The following TRAPPC10 variants were observed in gnomAD, a reference collection of about 807,000 sequenced individuals.
TRAPPC10 encodes the protein TRAPP 130 kDa subunit.
Under a neutral mutation model 125.5 loss-of-function variants are expected in TRAPPC10, and 23 were observed. The ratio of observed to expected loss-of-function variants is 0.18; its 90% CI spans 0.13 to 0.26. TRAPPC10 has a LOEUF of 0.26. Among genes scored for constraint, TRAPPC10 ranks in the 10% least tolerant of loss-of-function variants. The pLI is 1.00. For synonymous variants in TRAPPC10, 509 were observed against 518.0 expected, an observed-to-expected ratio of 0.98 and a Z score of 0.24; for missense variants, 1,123 against 1,308.4, an observed-to-expected ratio of 0.86 and a Z score of 2.19.
rs763577446 is a variant in TRAPPC10 at position 44,087,723 on chromosome 21, G to C, written c.2564G>C (p.Arg855Pro). The change falls in exon 17 of 23, where the codon CGG (arginine) becomes CCG (proline). Residue 855 changes from arginine (R) to proline (P), a missense_variant. Physicochemically the swap from Arg to Pro is moderately radical, Grantham distance 103. This residue lies in a region of TRAPPC10 where 840 missense variants were observed against 902.0 expected (regional missense o/e 0.93). Coordinates refer to ENST00000291574, the MANE Select transcript of TRAPPC10 (RefSeq NM_003274.5). The surrounding 1 kb of genome is among the most constrained non-coding windows in gnomAD (Gnocchi z 4.6). ...GAACAGTCTTCTGAGGCCGCGCTCC[G>C]GATTCAGTCCTCCGACAAGGTCACG... ...TREQSSEAAL[R>P]IQSSDKVTSI... 3.1e-6 allele frequency: 5 copies of C among 1,613,978 alleles called. No individual in the cohort carries two copies. Among genetic ancestry groups the C allele is most frequent in the Non-Finnish European group, 4.2e-6 (5 of 1,180,036 alleles).
intron 15 of TRAPPC10, among the ~76,000 whole-genome samples, chr21:44,084,944 G>A (rs2038025740): frequency 6.6e-6 from 1 of 152,180 alleles, no homozygotes; most frequent in Non-Finnish European, 1.5e-5. Context: ...GAGCTTCCAC[G>A]CCCTCCCTGG....
Position 44,074,370 on chromosome 21 carries a change from G to C in TRAPPC10, c.1085G>C (p.Cys362Ser), listed in dbSNP as rs2037114981. ...CTGGACTGCTGGGTGTTTCTGAGCT[G>C]TCTGGAGGTGTTGCAGAGGATAGAA... ...GALDCWVFLSCLEVLQRIEGC... is the reference protein window; with the variant it reads ...GALDCWVFLSSLEVLQRIEGC... Residue 362 changes from cysteine to serine, a missense_variant, in exon 8 of 23, where the codon TGT becomes TCT. Physicochemically the swap from Cys to Ser is moderately radical, Grantham distance 112 (BLOSUM62 -1). Transcript: ENST00000291574. The C allele has an allele frequency of 1.9e-6, 3 of 1,614,238 alleles. No homozygotes were observed. Among genetic ancestry groups the C allele is most frequent in the Non-Finnish European group, 1.7e-6 (2 of 1,180,036 alleles).
At chr21:44,071,571 G>A (rs1450112999) in intron 7 of TRAPPC10, among the ~76,000 whole-genome samples, 1 of 152,218 alleles carries the variant, frequency 6.6e-6, no homozygotes, top group Non-Finnish European at 1.5e-5. Flanking sequence ...GGTTTGGGTG[G>A]GAGCTAAGAG....
rs758403620 is a variant in TRAPPC10, at chr21:44,037,956, C to T, written c.285+29C>T. 1.9e-5 allele frequency: 31 copies of T among 1,606,322 alleles called. 1 individual carries two copies. Among genetic ancestry groups the T allele is most frequent in the East Asian group, 9.0e-5 (4 of 44,674 alleles). ...AGTACCAGCAGGGGAAGAGGATGCG[C>T]GGTGGGATGGGGTTGGAGATGCGTG... is the stretch of plus-strand genomic sequence containing the variant. On this transcript the variant is annotated intron_variant, in intron 3 of 22. Coordinates refer to ENST00000291574, the MANE Select transcript of TRAPPC10 (RefSeq NM_003274.5).
At chr21:44,046,521 TTGG>T (rs1569163755) in intron 3 of TRAPPC10, 55 of 161,788 alleles carry the variant, frequency 3.4e-4, no homozygotes, top group Middle Eastern at 2.6e-3. Context: ...TTTTTTTTTT[TTGG>T]GGGGAGGATT....
chr21:44,023,986 G>A (rs761758736), intron 1 of TRAPPC10, among the ~76,000 whole-genome samples: 5 of 152,104 alleles, frequency 3.3e-5, no homozygotes, highest in East Asian at 1.9e-4. Flanking sequence ...GGGTTTCACC[G>A]TGTTGGCCAA....
intron 1 of TRAPPC10, among the ~76,000 whole-genome samples, chr21:44,017,821 G>A (rs182249465): frequency 6.6e-6 from 1 of 151,708 alleles, no homozygotes; most frequent in African/African-American, 2.4e-5. Flanking sequence ...TGATGTCATC[G>A]AAAGAAGTGG....
chr21:44,090,601 T>A (rs913256826), intron 18 of TRAPPC10, among the ~76,000 whole-genome samples: 1 of 152,204 alleles, frequency 6.6e-6, no homozygotes, highest in Non-Finnish European at 1.5e-5. Flanking sequence ...AGTTCTGCTT[T>A]GAGGCAGGCG....
intron 4 of TRAPPC10, among the ~76,000 whole-genome samples, chr21:44,054,378 A>C (rs886112809): frequency 2.0e-5 from 3 of 152,222 alleles, no homozygotes; most frequent in African/African-American, 7.2e-5. Context: ...TTATAATTCC[A>C]TGAATTTAGC....
intron 1 of TRAPPC10, among the ~76,000 whole-genome samples, chr21:44,028,281 T>G (rs1212358244): frequency 6.6e-6 from 1 of 152,238 alleles, no homozygotes; most frequent in Non-Finnish European, 1.5e-5. Flanking sequence ...AAAAACTGAT[T>G]GGTCCATGTA....
intron 2 of TRAPPC10, among the ~76,000 whole-genome samples, chr21:44,034,331 A>AC (rs1643901152): frequency 2.8e-4 from 7 of 24,732 alleles, no homozygotes; most frequent in African/African-American, 6.2e-4. Flanking sequence ...CCACTCCCCC[A>AC]ACCCCCCCCC....
At chr21:44,091,441 T>C (rs547637764) in intron 18 of TRAPPC10, among the ~76,000 whole-genome samples, 6 of 152,194 alleles carry the variant, frequency 3.9e-5, no homozygotes, top group African/African-American at 1.2e-4. Flanking sequence ...TTTATTTATT[T>C]TTATTTGTTA....
chr21:44,059,715 G>T lies in TRAPPC10; in HGVS notation c.790+501G>T. 2.0e-6 allele frequency: 1 copy of T among 494,546 alleles called. No homozygotes were observed. The highest frequency in any genetic ancestry group is 3.6e-6 in the Non-Finnish European group (1 of 277,966). The allele number at this position is 494,546 out of a possible 1,614,324, so 30.6% of individuals were successfully genotyped here. On this transcript the variant is annotated intron_variant, in intron 6 of 22. Coordinates refer to ENST00000291574, the MANE Select transcript of TRAPPC10 (RefSeq NM_003274.5). This position sits in a 1 kb window ranked among gnomAD's most constrained non-coding sequence, Gnocchi z 4.4. ...GAAACCATACACAGAGAGAAACATT[G>T]GTTATTGTCCTCAGTGTTTTTCGCT...
chr21:44,078,654 G>A (rs1369485377), intron 11 of TRAPPC10, among the ~76,000 whole-genome samples: 1 of 152,204 alleles, frequency 6.6e-6, no homozygotes, highest in Non-Finnish European at 1.5e-5. Flanking sequence ...GTCACAGCTA[G>A]AATGTAGCTC....
chr21:44,087,794 G>C lies in TRAPPC10; in HGVS notation c.2635G>C (p.Glu879Gln), dbSNP rs1422194190. The part of the protein sequence containing the change: ...VAPAYHVIEF[E>Q]LEVLSLPSAP... ...GCCTGCGTACCACGTGATCGAATTTGAACTGGAAGTTCTCTCTTTACCTTC... is the reference window on the plus strand; with the variant it reads ...GCCTGCGTACCACGTGATCGAATTTCAACTGGAAGTTCTCTCTTTACCTTC... Residue 879 changes from glutamate (E) to glutamine (Q), a missense_variant, in exon 17 of 23, where the codon GAA becomes CAA. By Grantham distance (29) the Glu-to-Gln change is conservative. Around this residue, in one of 4 missense-constraint regions of TRAPPC10, gnomAD observed 840 missense variants for 902.0 expected, o/e 0.93. Transcript: ENST00000291574. The surrounding 1 kb of genome is among the most constrained non-coding windows in gnomAD (Gnocchi z 4.6). The C allele has an allele frequency of 6.2e-7, 1 of 1,614,234 alleles. No individual in the cohort carries two copies. Among genetic ancestry groups the C allele is most frequent in the Non-Finnish European group, 8.5e-7 (1 of 1,180,048 alleles).
intron 7 of TRAPPC10, among the ~76,000 whole-genome samples, chr21:44,064,369 G>A (rs941232386): frequency 1.3e-5 from 2 of 151,688 alleles, no homozygotes; most frequent in African/African-American, 4.8e-5. Flanking sequence ...TAAAACATTT[G>A]CCCTTAGAGA....
rs2037575740 is a variant in TRAPPC10, at chr21:44,080,010, T to C, written c.1611-5T>C. On this transcript the variant is annotated splice_polypyrimidine_tract_variant and splice_region_variant and intron_variant, in intron 12 of 22. Transcript: ENST00000291574. Reference sequence around the variant, plus strand: ...CTCTCCACGCTCCTTACCTCTCCGCTCCAGCTACCTGCAGACCAGCAGCCT... The same window carrying C: ...CTCTCCACGCTCCTTACCTCTCCGCCCCAGCTACCTGCAGACCAGCAGCCT... The C allele has an allele frequency of 1.9e-6, 3 of 1,613,540 alleles. No individual in the cohort carries two copies. The South Asian group carries it at 3.3e-5, about 18-fold the overall frequency.
In TRAPPC10 at chr21:44,059,308, G is replaced by A; in HGVS notation, c.790+94G>A. ...AAGCAGCCATTTATTTACCTCAGGA[G>A]TACGCATGTTTTGTTGTTGTCTTTA... On this transcript the variant is annotated intron_variant, in intron 6 of 22. Transcript: ENST00000291574. This position sits in a 1 kb window ranked among gnomAD's most constrained non-coding sequence, Gnocchi z 4.4. The A allele has an allele frequency of 1.2e-6, 1 of 837,358 alleles. No individual in the cohort carries two copies. The highest frequency in any genetic ancestry group is 1.9e-6 in the Non-Finnish European group (1 of 521,484). 51.9% of individuals were successfully genotyped at this position (837,358 alleles called of 1,614,324 possible).
intron 4 of TRAPPC10, among the ~76,000 whole-genome samples, chr21:44,053,133 G>C (rs1569170980): frequency 6.6e-6 from 1 of 152,144 alleles, no homozygotes; most frequent in African/African-American, 2.4e-5. Flanking sequence ...ACCCTGCCCT[G>C]GTCCAGCAGG....
Sources: gnomAD v4.1 joint callset for allele counts (sites outside exome capture counted in the v4.1 genomes callset) on GRCh38, gnomAD v4.1.1 for gene constraint, gnomAD v4.1.1 regional missense constraint, Gnocchi (gnomAD v3.1) non-coding constraint, MANE v1.5 for transcripts, NCBI Gene and HGNC (gene_info 2026-07-23, HGNC 2026-07-21) for gene names.